The following GALNT5 variants were observed in gnomAD, a reference collection of about 807,000 sequenced individuals.
The protein encoded by GALNT5 is polypeptide N-acetylgalactosaminyltransferase 5.
In GALNT5, 72 loss-of-function variants were observed where a neutral mutation model predicts 85.4. The observed-to-expected ratio is 0.84, with a 90% confidence interval of 0.70 to 1.03. The LOEUF is 1.03. Ranked by LOEUF, GALNT5 falls within the 50% of genes least tolerant of loss-of-function variation. The pLI is 0.00. For synonymous variants in GALNT5, 404 were observed against 397.0 expected, an observed-to-expected ratio of 1.02 and a Z score of -0.21; for missense variants, 1,137 against 1,135.5, an observed-to-expected ratio of 1.00 and a Z score of -0.02.
intron 8 of GALNT5, among the ~76,000 whole-genome samples, chr2:157,306,209 G>A (rs1031853315): frequency 2.6e-5 from 4 of 152,172 alleles, no homozygotes; most frequent in Non-Finnish European, 5.9e-5. Context: ...CTCTGTAAAT[G>A]TTTGCTGTAA....
chr2:157,299,514 T>C (rs200661098), intron 5 of GALNT5, 34 bp from the exon 6 acceptor site: 73 of 1,254,686 alleles, frequency 5.8e-5, no homozygotes, highest in Middle Eastern at 3.7e-4. Flanking sequence ...TTTCATGAGA[T>C]GCAAGTTTAA....
chr2:157,307,970 T>C (rs187309142), intron 8 of GALNT5, among the ~76,000 whole-genome samples: 87 of 152,334 alleles, frequency 5.7e-4, no homozygotes, highest in Non-Finnish European at 1.0e-3. Flanking sequence ...TTCTATGAAC[T>C]GGGGGATGCC....
At chr2:157,299,360 A>G (rs1196836614) in intron 5 of GALNT5, among the ~76,000 whole-genome samples, 188 bp from the exon 6 acceptor site, 2 of 152,146 alleles carry the variant, frequency 1.3e-5, no homozygotes, top group African/African-American at 4.8e-5. Flanking sequence ...AACCTAATCT[A>G]GCTCTGCCAC....
intron 3 of GALNT5, among the ~76,000 whole-genome samples, chr2:157,293,065 T>C (rs998836319): frequency 6.6e-6 from 1 of 152,220 alleles, no homozygotes; most frequent in Non-Finnish European, 1.5e-5. Flanking sequence ...CCACGCTTCA[T>C]ACACCTACAT....
At chr2:157,305,115 G>C (rs3817289) in intron 7 of GALNT5, among the ~76,000 whole-genome samples, 20,078 of 152,074 alleles carry the variant, frequency 0.13, 2,732 homozygotes, top group African/African-American at 0.35. Context: ...GCATTAAATG[G>C]TGACTTAAAG....
At chr2:157,265,005 G>A (rs1268281100) in intron 1 of GALNT5, among the ~76,000 whole-genome samples, 1 of 152,066 alleles carries the variant, frequency 6.6e-6, no homozygotes, top group Non-Finnish European at 1.5e-5. Flanking sequence ...GAAACCAATT[G>A]GAGGCAGGGA....
chr2:157,281,432 T>C (rs1428526866), intron 1 of GALNT5, among the ~76,000 whole-genome samples: 3 of 152,150 alleles, frequency 2.0e-5, no homozygotes, highest in Non-Finnish European at 4.4e-5. Flanking sequence ...GGAAGAATTC[T>C]GTGAAGCATC....
At chr2:157,290,114 C>CACACACAT in intron 3 of GALNT5, among the ~76,000 whole-genome samples, 1 of 130,340 alleles carries the variant, frequency 7.7e-6, no homozygotes, top group East Asian at 2.4e-4. Flanking sequence ...TATATATATA[C>CACACACAT]ATACACAAAC....
rs1325104782 is a variant in GALNT5, at chr2:157,314,065, A to G, written c.*2717A>G. ...TTTTTCAGGAGATTAGAATAAAGGT[A>G]TACATGCTACTCGGTCTTCTGGTAA... is the stretch of plus-strand genomic sequence containing the variant. On this transcript the variant is annotated 3_prime_UTR_variant, in exon 10 of 10. Coordinates refer to ENST00000259056, the MANE Select transcript of GALNT5 (RefSeq NM_014568.3). 1.3e-5 allele frequency: 2 copies of G among 152,152 alleles called. No individual in the cohort carries two copies. The highest frequency in any genetic ancestry group is 4.8e-5 in the African/African-American group (2 of 41,432). 9.4% of individuals were successfully genotyped at this position (152,152 alleles called of 1,614,324 possible).
chr2:157,296,480 C>CA lies in GALNT5; in HGVS notation c.1970dup (p.Asn657LysfsTer4), dbSNP rs778901995. On this transcript the variant is annotated frameshift_variant, in exon 5 of 10. Coordinates refer to ENST00000259056, the MANE Select transcript of GALNT5 (RefSeq NM_014568.3). LOFTEE classifies it high-confidence loss of function. Reference sequence around the variant, plus strand: ...AGAACAATTCCTCCAGATGTCATTGCAAAAAACAGAATTAAAGAAACTGAT... The same window carrying CA: ...AGAACAATTCCTCCAGATGTCATTGCAAAAAAACAGAATTAAAGAAACTGAT... The CA allele has an allele frequency of 5.0e-6, 8 of 1,608,744 alleles. No homozygotes were observed. Among genetic ancestry groups the CA allele is most frequent in the South Asian group, 3.3e-5 (3 of 90,926 alleles).
At position 157,318,441 on chromosome 2, in the gene GALNT5, A is replaced by G. The variant is rs1370023950; in HGVS notation, c.*7093A>G. Among the ~76,000 whole-genome samples, 1 of 152,188 alleles carries G rather than the reference A, an allele frequency of 6.6e-6. No homozygotes were observed. The highest frequency in any genetic ancestry group is 2.4e-5 in the African/African-American group (1 of 41,460). On this transcript the variant is annotated 3_prime_UTR_variant, in exon 10 of 10. Coordinates refer to ENST00000259056, the MANE Select transcript of GALNT5 (RefSeq NM_014568.3). ...CCAGAAATCCTTTTTACAATTTTATATACAATCATTTTAAGACCTTTTTGA... is the reference window on the plus strand; with the variant it reads ...CCAGAAATCCTTTTTACAATTTTATGTACAATCATTTTAAGACCTTTTTGA...
At position 157,318,326 on chromosome 2, in the gene GALNT5, C is replaced by T. The variant is rs1389721720; in HGVS notation, c.*6978C>T. Among the ~76,000 whole-genome samples, 1 of 152,158 alleles carries T rather than the reference C, an allele frequency of 6.6e-6. No homozygotes were observed. The highest frequency in any genetic ancestry group is 2.4e-5 in the African/African-American group (1 of 41,452). The stretch of plus-strand genomic sequence containing the variant: ...ACTCTGATGATTACAGAGATTTCTT[C>T]AAGTTGTTCGTGTTAAGATGCATCT... On this transcript the variant is annotated 3_prime_UTR_variant, in exon 10 of 10. Transcript: ENST00000259056.
Position 157,257,820 on chromosome 2 carries a change from C to A in GALNT5, c.-263C>A, listed in dbSNP as rs1235086542. On this transcript the variant is annotated 5_prime_UTR_variant, in exon 1 of 10. Coordinates refer to ENST00000259056, the MANE Select transcript of GALNT5 (RefSeq NM_014568.3). ...TGGAATCAACTGCTCCTGGAGTGAC[C>A]TAAGGCCAGTGTTTATCAGAACTTA... 4.0e-6 allele frequency: 2 copies of A among 495,852 alleles called. No homozygotes were observed. Among genetic ancestry groups the A allele is most frequent in the East Asian group, 7.6e-5 (2 of 26,226 alleles). 30.7% of individuals were successfully genotyped at this position (495,852 alleles called of 1,614,324 possible). A position where few individuals can be genotyped will look rare whatever the true frequency, so the allele number is the denominator to read the frequency against.
Position 157,313,414 on chromosome 2 carries a change from C to T in GALNT5, c.*2066C>T, listed in dbSNP as rs1683619938. 6.6e-6 allele frequency: 1 copy of T among 152,090 alleles called. No individual in the cohort carries two copies. Among genetic ancestry groups the T allele is most frequent in the African/African-American group, 2.4e-5 (1 of 41,412 alleles). 9.4% of individuals were successfully genotyped at this position (152,090 alleles called of 1,614,324 possible). ...GATGAAATTGCCTAATGACACATTT[C>T]TCAGAATGTATTTGTGTTATTAAAT... On this transcript the variant is annotated 3_prime_UTR_variant, in exon 10 of 10. Transcript: ENST00000259056.
intron 6 of GALNT5, 22 bp downstream of exon 6, chr2:157,299,687 C>A: frequency 1.6e-6 from 2 of 1,268,056 alleles, no homozygotes; most frequent in Non-Finnish European, 2.3e-6. Context: ...TGTTTCCCAA[C>A]TTTTCTTTAC....
chr2:157,273,888 A>T, intron 1 of GALNT5, among the ~76,000 whole-genome samples: 1 of 151,844 alleles, frequency 6.6e-6, no homozygotes, highest in East Asian at 1.9e-4. Context: ...GGTTTGATAC[A>T]TAGGTATACA....
chr2:157,296,623 C>A, intron 5 of GALNT5, 110 bp downstream of exon 5: 1 of 804,144 alleles, frequency 1.2e-6, no homozygotes, highest in Non-Finnish European at 2.0e-6. Flanking sequence ...CATTAAGAAT[C>A]ACAGTTCTAG....
In GALNT5 at chr2:157,310,745, G is replaced by C. The variant is rs144715428; in HGVS notation, c.2683-463G>C. Among the ~76,000 whole-genome samples, 88 of 152,242 alleles carry C rather than the reference G, an allele frequency of 5.8e-4. 1 individual carries two copies. Among genetic ancestry groups the C allele is most frequent in the African/African-American group, 2.0e-3 (85 of 41,566 alleles). ...ACATCAGTTATTATGAATTGTCAGA[G>C]ATTATGGTAAGGAGCTCATAAATAA... is the stretch of plus-strand genomic sequence containing the variant. On this transcript the variant is annotated intron_variant, in intron 9 of 9. Transcript: ENST00000259056.
rs529555019 is a variant in GALNT5 at position 157,258,271 on chromosome 2, A to G, written c.189A>G (p.Gln63=). The G allele has an allele frequency of 1.4e-5, 22 of 1,603,680 alleles. No individual in the cohort carries two copies. Among genetic ancestry groups the G allele is most frequent in the Non-Finnish European group, 1.4e-5 (17 of 1,176,226 alleles). The change falls in exon 1 of 10, where the codon CAA becomes CAG. Residue 63 remains glutamine (Q), a synonymous_variant. Transcript: ENST00000259056. ...TAGGATTCAGAGTTCAGCCAGACCAAGGAAAAATTTTTTACAGCAGCATAA... is the reference window on the plus strand; with the variant it reads ...TAGGATTCAGAGTTCAGCCAGACCAGGGAAAAATTTTTTACAGCAGCATAA... ...ERIGFRVQPD[Q]GKIFYSSIKE...
Sources: allele counts gnomAD v4.1 joint callset (sites outside exome capture counted in the v4.1 genomes callset), GRCh38; gene constraint gnomAD v4.1.1; transcripts MANE v1.5; gene names NCBI Gene and HGNC (gene_info 2026-07-23, HGNC 2026-07-21).